ZNF140: variants seen among roughly 807,000 people sequenced by gnomAD.
ZNF140 encodes zinc finger protein 140, also known as zinc finger protein 140 (clone pHZ-39).
Under a neutral mutation model 12.9 loss-of-function variants are expected in ZNF140, and 13 were observed. The ratio of observed to expected loss-of-function variants is 1.01; its 90% CI spans 0.66 to 1.60. The LOEUF is 1.60. Ranked by LOEUF, ZNF140 falls within the 40% of genes most tolerant of loss-of-function variation. The pLI is 0.00. For synonymous variants in ZNF140, 214 were observed against 186.7 expected (o/e 1.15, Z -1.19); for missense variants, 531 against 548.8 (o/e 0.97, Z 0.32).
intron 4 of ZNF140, among the ~76,000 whole-genome samples, chr12:133,095,647 TTTA>T (rs1167690462): frequency 6.7e-6 from 1 of 150,278 alleles, no homozygotes; most frequent in Non-Finnish European, 1.5e-5. Flanking sequence ...TCCCTCAGTT[TTTA>T]TTATTATTTT....
In ZNF140 at chr12:133,093,565, C is replaced by G. The variant is rs1247484740; in HGVS notation, c.232+10004C>G. On this transcript the variant is annotated intron_variant, in intron 4 of 4. Transcript: ENST00000355557. ...GGTTAAACACAAGCAAAATCTCTCCCCCATGTTATCACCTTCCCTATTTCC... is the reference window on the plus strand; with the variant it reads ...GGTTAAACACAAGCAAAATCTCTCCGCCATGTTATCACCTTCCCTATTTCC... 2 of 675,744 alleles carry G rather than the reference C, an allele frequency of 3.0e-6. 1 individual carries two copies. Among genetic ancestry groups the G allele is most frequent in the African/African-American group, 3.6e-5 (2 of 54,994 alleles). The allele number at this position is 675,744 out of a possible 1,614,324, so 41.9% of individuals were successfully genotyped here.
At chr12:133,091,162 T>C (rs1016679078) in intron 4 of ZNF140, among the ~76,000 whole-genome samples, 11 of 150,256 alleles carry the variant, frequency 7.3e-5, no homozygotes, top group South Asian at 2.1e-4. Context: ...CACGAGGCCA[T>C]ATTTCAGACT....
intron 4 of ZNF140, among the ~76,000 whole-genome samples, chr12:133,094,654 C>T (rs975931416): frequency 4.6e-5 from 7 of 151,106 alleles, no homozygotes; most frequent in Admixed American, 3.3e-4. Flanking sequence ...CACTCTTTGA[C>T]CCATACAGGA....
intron 4 of ZNF140, among the ~76,000 whole-genome samples, chr12:133,094,918 C>T (rs902204379): frequency 2.6e-5 from 4 of 151,274 alleles, no homozygotes; most frequent in Non-Finnish European, 4.4e-5. Flanking sequence ...TTGCGTTGAC[C>T]GAGCCATTAC....
chr12:133,090,962 T>G (rs1237579965), intron 4 of ZNF140, among the ~76,000 whole-genome samples: 1 of 147,274 alleles, frequency 6.8e-6, no homozygotes, highest in South Asian at 2.2e-4. Flanking sequence ...TAGGGCGGTT[T>G]TGCTACTATC....
chr12:133,106,248 C>G lies in ZNF140; in HGVS notation c.971C>G (p.Thr324Arg), dbSNP rs1458559940. 1 of 1,614,190 alleles carries G rather than the reference C, an allele frequency of 6.2e-7. No individual in the cohort carries two copies. Among genetic ancestry groups the G allele is most frequent in the South Asian group, 1.1e-5 (1 of 91,080 alleles). ...SHLTRHQSIH[T>R]TKTPYECNEC... Reference sequence around the variant, plus strand: ...CTTACTCGACATCAGAGCATCCATACAACCAAAACCCCGTATGAATGTAAT... The same window carrying G: ...CTTACTCGACATCAGAGCATCCATAGAACCAAAACCCCGTATGAATGTAAT... Residue 324 changes from threonine (T) to arginine (R), a missense_variant, in exon 5 of 5, where the codon ACA (threonine) becomes AGA (arginine). Transcript: ENST00000355557.
At chr12:133,095,813 T>C (rs1050931165) in intron 4 of ZNF140, among the ~76,000 whole-genome samples, 34 of 152,056 alleles carry the variant, frequency 2.2e-4, no homozygotes, top group South Asian at 1.9e-3. Context: ...TTTATGTTTC[T>C]CTCCACCCAA....
At chr12:133,093,342 C>T (rs1018758853) in intron 4 of ZNF140, 5 of 667,312 alleles carry the variant, frequency 7.5e-6, no homozygotes, top group Middle Eastern at 2.8e-4. Context: ...GGGAGACTTA[C>T]CACCGTTGAT....
Position 133,106,688 on chromosome 12 carries a change from T to A in ZNF140, c.*37T>A. ...AAAGAAAAACTATGAATGTATGGAA[T>A]TTTTTAAAAAGAAGTATAATGCCTT... is the stretch of plus-strand genomic sequence containing the variant. On this transcript the variant is annotated 3_prime_UTR_variant, in exon 5 of 5. Coordinates refer to ENST00000355557, the MANE Select transcript of ZNF140 (RefSeq NM_003440.4). 6.7e-7 allele frequency: 1 copy of A among 1,502,192 alleles called. No homozygotes were observed. The highest frequency in any genetic ancestry group is 8.9e-7 in the Non-Finnish European group (1 of 1,128,654). 93.1% of individuals were successfully genotyped at this position (1,502,192 alleles called of 1,614,324 possible).
In ZNF140 at chr12:133,081,575, C is replaced by T. The variant is rs1419128326; in HGVS notation, c.9+246C>T. 1.1e-5 allele frequency: 5 copies of T among 455,318 alleles called. No individual in the cohort carries two copies. In the Admixed American group the frequency reaches 1.2e-4, roughly 11 times the overall value. 28.2% of individuals were successfully genotyped at this position (455,318 alleles called of 1,614,324 possible). A position where few individuals can be genotyped will look rare whatever the true frequency, so the allele number is the denominator to read the frequency against. Reference sequence around the variant, plus strand: ...CTTTCTCCTACAACCACCTGCCTGGCAGAACCCCAGGACCCTGTCCCTTGT... The same window carrying T: ...CTTTCTCCTACAACCACCTGCCTGGTAGAACCCCAGGACCCTGTCCCTTGT... On this transcript the variant is annotated intron_variant, in intron 2 of 4. Transcript: ENST00000355557.
At chr12:133,081,350 T>TATATATAG in intron 2 of ZNF140, 21 bp downstream of exon 2, 1 of 224,514 alleles carries the variant, frequency 4.5e-6, no homozygotes, top group Non-Finnish European at 7.6e-6. Context: ...GATTGATAAA[T>TATATATAG]ATATATATAT....
chr12:133,090,732 T>C (rs1176532910), intron 4 of ZNF140, among the ~76,000 whole-genome samples: 3 of 148,148 alleles, frequency 2.0e-5, no homozygotes, highest in Admixed American at 6.9e-5. Flanking sequence ...TTTTCATTAT[T>C]TCAGCAAAAA....
chr12:133,100,173 T>TG lies in ZNF140; in HGVS notation c.233-5337_233-5336insG, dbSNP rs1566318612. Among the ~76,000 whole-genome samples, 806 of 139,688 alleles carry TG rather than the reference T, an allele frequency of 5.8e-3. 11 individuals carry two copies. The highest frequency in any genetic ancestry group is 0.021 in the African/African-American group (746 of 36,140). 91.6% of individuals were successfully genotyped at this position (139,688 alleles called of 152,430 possible). Reference sequence around the variant, plus strand: ...AATGCCTTTTCCGTTTTTTTTTTTTTTTTTTTTTTTTTTTGGCAGGGTCTT... The same window carrying TG: ...AATGCCTTTTCCGTTTTTTTTTTTTTGTTTTTTTTTTTTTTGGCAGGGTCTT... On this transcript the variant is annotated intron_variant, in intron 4 of 4. Coordinates refer to ENST00000355557, the MANE Select transcript of ZNF140 (RefSeq NM_003440.4).
chr12:133,102,855 A>C (rs948369455), intron 4 of ZNF140, among the ~76,000 whole-genome samples: 5 of 152,122 alleles, frequency 3.3e-5, no homozygotes, highest in Non-Finnish European at 7.4e-5. Context: ...ATGGAGGTAT[A>C]GTAGGAGATG....
At chr12:133,084,161 C>G (rs1283357949) in intron 4 of ZNF140, 2 of 439,130 alleles carry the variant, frequency 4.6e-6, no homozygotes, top group Non-Finnish European at 9.0e-6. Flanking sequence ...CTCTGAATTT[C>G]ATTTCTTTTT....
intron 4 of ZNF140, among the ~76,000 whole-genome samples, chr12:133,097,551 G>A (rs3013782): frequency 0.093 from 14,139 of 151,332 alleles, 1,272 homozygotes; most frequent in African/African-American, 0.24. Context: ...GCTGAGGCAC[G>A]AGAATGGCGT....
At chr12:133,085,242 C>G (rs1954637585) in intron 4 of ZNF140, among the ~76,000 whole-genome samples, 1 of 152,150 alleles carries the variant, frequency 6.6e-6, no homozygotes, top group African/African-American at 2.4e-5. Flanking sequence ...CCAGGCTGGT[C>G]TCAAACTCCT....
At chr12:133,089,732 CT>C (rs1954793329) in intron 4 of ZNF140, among the ~76,000 whole-genome samples, 1 of 151,992 alleles carries the variant, frequency 6.6e-6, no homozygotes, top group Non-Finnish European at 1.5e-5. Context: ...TGTATGACAT[CT>C]TTTTTTCTTA....
intron 4 of ZNF140, among the ~76,000 whole-genome samples, chr12:133,095,845 T>A (rs1258229723): frequency 1.3e-5 from 2 of 152,038 alleles, no homozygotes; most frequent in Admixed American, 6.6e-5. Context: ...GAGTAAAGAA[T>A]AACAAGGCAG....
Sources: allele counts gnomAD v4.1 joint callset (sites outside exome capture counted in the v4.1 genomes callset), GRCh38; gene constraint gnomAD v4.1.1; transcripts MANE v1.5; gene names NCBI Gene and HGNC (gene_info 2026-07-23, HGNC 2026-07-21).